The following LDAH variants were observed in gnomAD, a reference collection of about 807,000 sequenced individuals.
LDAH encodes the protein lipid droplet associated hydrolase.
LDAH carries 26 observed loss-of-function variants against 29.6 expected under a neutral mutation model. The ratio of observed to expected loss-of-function variants is 0.88; its 90% CI spans 0.64 to 1.22. The LOEUF (loss-of-function observed/expected upper bound fraction) is 1.22. Ranked by LOEUF, LDAH falls within the 50% of genes most tolerant of loss-of-function variation. LDAH has a pLI of 0.00. For missense variants in LDAH, 344 were observed against 387.3 expected, an observed-to-expected ratio of 0.89 and a Z score of 0.94; for synonymous variants, 117 against 133.0, an observed-to-expected ratio of 0.88 and a Z score of 0.83.
At chr2:20,724,891 G>C (rs1482378560) in intron 5 of LDAH, among the ~76,000 whole-genome samples, 3 of 152,162 alleles carry the variant, frequency 2.0e-5, no homozygotes, top group Non-Finnish European at 4.4e-5. Context: ...AGTTTGTTTG[G>C]CTTTGCCATT....
chr2:20,786,778 T>G (rs1670585951), intron 3 of LDAH, among the ~76,000 whole-genome samples: 3 of 152,178 alleles, frequency 2.0e-5, no homozygotes, highest in African/African-American at 7.2e-5. Flanking sequence ...TTTGTCATCT[T>G]TTTTTCTCCT....
chr2:20,766,406 T>C (rs1433633321), intron 4 of LDAH, among the ~76,000 whole-genome samples: 1 of 152,190 alleles, frequency 6.6e-6, no homozygotes, highest in Non-Finnish European at 1.5e-5. Flanking sequence ...GTAGGTGTGG[T>C]TCACTATTCA....
chr2:20,773,537 C>T (rs1449190913), intron 4 of LDAH, among the ~76,000 whole-genome samples: 1 of 152,118 alleles, frequency 6.6e-6, no homozygotes, highest in Non-Finnish European at 1.5e-5. Context: ...GATTAAGACA[C>T]CTTATTTAGG....
chr2:20,805,645 T>C (rs1338230001), intron 1 of LDAH, among the ~76,000 whole-genome samples: 1 of 152,176 alleles, frequency 6.6e-6, no homozygotes, highest in Non-Finnish European at 1.5e-5. Flanking sequence ...GCATACAATC[T>C]GTGTAACTTA....
intron 5 of LDAH, among the ~76,000 whole-genome samples, chr2:20,733,571 T>G (rs1040699789): frequency 1.3e-5 from 2 of 151,896 alleles, no homozygotes; most frequent in African/African-American, 4.8e-5. Flanking sequence ...GCCCAGCTAA[T>G]TTTTGTATTT....
intron 4 of LDAH, among the ~76,000 whole-genome samples, chr2:20,772,266 T>C (rs979828687): frequency 9.2e-5 from 14 of 152,240 alleles, no homozygotes; most frequent in African/African-American, 3.4e-4. Flanking sequence ...AAATGAATAT[T>C]TTCTTTCCTA....
chr2:20,802,771 C>A (rs1671795530), intron 1 of LDAH, among the ~76,000 whole-genome samples: 1 of 152,198 alleles, frequency 6.6e-6, no homozygotes, highest in African/African-American at 2.4e-5. Flanking sequence ...CATATTTAAT[C>A]CCATAACTGT....
rs182702611 is a variant in LDAH, at chr2:20,789,414, A to G, written c.298+841T>C. ...AGACTGGACTGGACGTCCAGTCTCA[A>G]GAAACTATGAGAAATCAATTTCCAT... On this transcript the variant is annotated intron_variant, in intron 3 of 6. Transcript: ENST00000237822. 219 of 1,447,664 alleles carry G rather than the reference A, an allele frequency of 1.5e-4. No individual in the cohort carries two copies. The Middle Eastern group carries it at 3.3e-3, about 22-fold the overall frequency. 89.7% of individuals were successfully genotyped at this position (1,447,664 alleles called of 1,614,324 possible). A position where few individuals can be genotyped will look rare whatever the true frequency, so the allele number is the denominator to read the frequency against.
At chr2:20,716,181 G>A (rs1237935726) in intron 5 of LDAH, among the ~76,000 whole-genome samples, 8 of 152,130 alleles carry the variant, frequency 5.3e-5, no homozygotes, top group Admixed American at 4.6e-4. Flanking sequence ...ATTCCTCAAG[G>A]ATCTAGAACT....
At chr2:20,816,602 C>G (rs1672865627) in intron 1 of LDAH, among the ~76,000 whole-genome samples, 1 of 151,810 alleles carries the variant, frequency 6.6e-6, no homozygotes, top group Admixed American at 6.6e-5. Flanking sequence ...GAAGCCAAAA[C>G]CAACAGAGCT....
intron 5 of LDAH, among the ~76,000 whole-genome samples, chr2:20,714,965 T>C (rs1039806030): frequency 2.6e-5 from 4 of 152,212 alleles, no homozygotes; most frequent in Non-Finnish European, 4.4e-5. Context: ...AAAGAGGAGC[T>C]GGTACCATTC....
At chr2:20,742,259 A>C (rs1667234274) in intron 4 of LDAH, among the ~76,000 whole-genome samples, 1 of 152,206 alleles carries the variant, frequency 6.6e-6, no homozygotes, top group Non-Finnish European at 1.5e-5. Flanking sequence ...CTTGAGAAGA[A>C]TGTGTATTCT....
chr2:20,688,292 C>G (rs1405981996), intron 6 of LDAH, among the ~76,000 whole-genome samples: 1 of 152,062 alleles, frequency 6.6e-6, no homozygotes, highest in African/African-American at 2.4e-5. Context: ...ACCAAGCAAA[C>G]CAAAGCTTGA....
At position 20,745,738 on chromosome 2, in the gene LDAH, G is replaced by A. The variant is rs887183282; in HGVS notation, c.469-5533C>T. Among the ~76,000 whole-genome samples the A allele has an allele frequency of 3.4e-4, 51 of 152,224 alleles. 2 individuals carry two copies. Among genetic ancestry groups the A allele is most frequent in the Admixed American group, 2.4e-3 (36 of 15,286 alleles). On this transcript the variant is annotated intron_variant, in intron 4 of 6. Transcript: ENST00000237822. ...CTGAGCATATGTATGTTAATTAGCT[G>A]TAATACATGATTTATAATAAATGAT...
intron 2 of LDAH, among the ~76,000 whole-genome samples, chr2:20,797,654 G>A (rs770905154): frequency 1.3e-5 from 2 of 152,052 alleles, no homozygotes; most frequent in Admixed American, 6.6e-5. Flanking sequence ...CTTCCAATTT[G>A]TTTTTTGTCT....
At chr2:20,801,134 G>C (rs554228370) in intron 2 of LDAH, among the ~76,000 whole-genome samples, 176 bp downstream of exon 2, 77 of 151,674 alleles carry the variant, frequency 5.1e-4, no homozygotes, top group African/African-American at 1.8e-3. Flanking sequence ...TAAATACATA[G>C]AAGAAAAACA....
At chr2:20,768,943 T>C (rs1669227446) in intron 4 of LDAH, among the ~76,000 whole-genome samples, 1 of 152,198 alleles carries the variant, frequency 6.6e-6, no homozygotes, top group Non-Finnish European at 1.5e-5. Flanking sequence ...GATGCATGAC[T>C]GCTATCATCA....
At chr2:20,809,668 G>C (rs951004649) in intron 1 of LDAH, among the ~76,000 whole-genome samples, 2 of 152,160 alleles carry the variant, frequency 1.3e-5, no homozygotes, top group East Asian at 3.8e-4. Flanking sequence ...AAATCAGTAA[G>C]AGACAACTCA....
At chr2:20,697,241 C>T (rs536659060) in intron 6 of LDAH, among the ~76,000 whole-genome samples, 1 of 152,308 alleles carries the variant, frequency 6.6e-6, no homozygotes, top group African/African-American at 2.4e-5. Context: ...AGTCCAGATA[C>T]AAAGAAATAA....
Sources: allele counts gnomAD v4.1 joint callset (sites outside exome capture counted in the v4.1 genomes callset), GRCh38; gene constraint gnomAD v4.1.1; transcripts MANE v1.5; gene names NCBI Gene and HGNC (gene_info 2026-07-23, HGNC 2026-07-21).